Variants in SOX5 observed in about 807,000 individuals in gnomAD.
SOX5 encodes transcription factor SOX-5.
SOX5 carries 9 observed loss-of-function variants against 92.0 expected under a neutral mutation model. The ratio of observed to expected loss-of-function variants is 0.10; its 90% CI spans 0.06 to 0.17. The LOEUF is 0.17. SOX5 is among the 10% of genes least tolerant of loss of function. The probability of loss-of-function intolerance (pLI) is 1.00; values close to 1 mark genes in which losing one functional copy is unlikely to be tolerated. For synonymous variants in SOX5, 344 were observed against 336.3 expected, an observed-to-expected ratio of 1.02 and a Z score of -0.25; for missense variants, 642 against 944.5, an observed-to-expected ratio of 0.68 and a Z score of 4.20.
At chr12:24,055,501 C>T (rs147638212) in intron 4 of SOX5, among the ~76,000 whole-genome samples, 21 of 152,352 alleles carry the variant, frequency 1.4e-4, no homozygotes, top group African/African-American at 4.6e-4. Context: ...CTCTGCCACC[C>T]TGAGTGGTAT....
In SOX5 at chr12:24,056,954, G is replaced by A. The variant is rs1354633190; in HGVS notation, c.-2+156389C>T. 6.7e-5 allele frequency among the ~76,000 whole-genome samples: 6 copies of A among 89,556 alleles called. No individual in the cohort carries two copies. The South Asian group carries it at 2.4e-3, about 35-fold the overall frequency. 58.8% of individuals were successfully genotyped at this position (89,556 alleles called of 152,430 possible). On this transcript the variant is annotated intron_variant, in intron 4 of 4. Transcript: ENST00000446891. Reference sequence around the variant, plus strand: ...CCCGCCACTGCACTCCAGCCTGGGCGACAGAGCGAGACTCCGTCTCAAAAA... The same window carrying A: ...CCCGCCACTGCACTCCAGCCTGGGCAACAGAGCGAGACTCCGTCTCAAAAA...
chr12:23,626,978 C>G (rs567015947), intron 8 of SOX5, among the ~76,000 whole-genome samples: 2 of 152,300 alleles, frequency 1.3e-5, no homozygotes, highest in East Asian at 1.9e-4. Flanking sequence ...CGTTAATTCA[C>G]TGCTGTATTT....
chr12:23,595,640 A>G (rs796572248), intron 9 of SOX5, among the ~76,000 whole-genome samples: 12 of 151,312 alleles, frequency 7.9e-5, no homozygotes, highest in African/African-American at 2.4e-4. Flanking sequence ...AAAAAAAAAA[A>G]AAAAAATGTG....
chr12:24,141,069 T>A (rs1265991317), intron 4 of SOX5, among the ~76,000 whole-genome samples: 1 of 152,078 alleles, frequency 6.6e-6, no homozygotes, highest in Non-Finnish European at 1.5e-5. Context: ...AGAACAAATA[T>A]AAAACCATTA....
At chr12:23,570,926 AAAAAATATATATATATATAT>A (rs1948166875) in intron 10 of SOX5, among the ~76,000 whole-genome samples, 3 of 41,544 alleles carry the variant, frequency 7.2e-5, no homozygotes, top group South Asian at 1.0e-3. Context: ...AAAAAAAAAA[AAAAAATATATATATATATAT>A]ATATATATAT....
chr12:23,797,227 A>T (rs367894972), intron 3 of SOX5, among the ~76,000 whole-genome samples: 1 of 152,032 alleles, frequency 6.6e-6, no homozygotes, highest in South Asian at 2.1e-4. Context: ...GTATTGGTAC[A>T]ATCAGATTAA....
intron 1 of SOX5, among the ~76,000 whole-genome samples, chr12:23,903,127 G>A (rs928599436): frequency 5.3e-5 from 8 of 152,068 alleles, no homozygotes; most frequent in African/African-American, 1.7e-4. Context: ...CTATGTGCCC[G>A]TTAGACAGCA....
intron 1 of SOX5, among the ~76,000 whole-genome samples, chr12:23,906,447 C>A (rs537787386): frequency 6.6e-6 from 1 of 152,308 alleles, no homozygotes; most frequent in African/African-American, 2.4e-5. Context: ...CTGCACTAGA[C>A]TTTTTTCCCC....
chr12:23,733,179 C>T (rs1365851730), intron 6 of SOX5, among the ~76,000 whole-genome samples: 1 of 152,072 alleles, frequency 6.6e-6, no homozygotes, highest in Non-Finnish European at 1.5e-5. Context: ...TTCAGTATTA[C>T]AAAAATTATA....
At chr12:24,063,310 G>A (rs1940089929) in intron 4 of SOX5, among the ~76,000 whole-genome samples, 1 of 152,182 alleles carries the variant, frequency 6.6e-6, no homozygotes. Flanking sequence ...GGTACATAAT[G>A]AGTGCTCAAC....
At chr12:24,343,930 A>C (rs1952878917) in intron 2 of SOX5, among the ~76,000 whole-genome samples, 1 of 152,164 alleles carries the variant, frequency 6.6e-6, no homozygotes, top group South Asian at 2.1e-4. Context: ...CTACTTTATA[A>C]CTTTGGATGA....
intron 3 of SOX5, among the ~76,000 whole-genome samples, chr12:24,273,786 G>T (rs1319945035): frequency 6.6e-6 from 1 of 151,760 alleles, no homozygotes; most frequent in African/African-American, 2.4e-5. Flanking sequence ...ATAAATTTTT[G>T]CCCTTTGCTT....
In SOX5 at chr12:23,768,680, C is replaced by T. The variant is rs1048805801; in HGVS notation, c.482-12956G>A. 5.3e-5 allele frequency among the ~76,000 whole-genome samples: 8 copies of T among 151,996 alleles called. No individual in the cohort carries two copies. In the Middle Eastern group the frequency reaches 0.01, roughly 194 times the overall value. ...CTTGAAATTCCAACTACAGTAGCTG[C>T]TCATAATCTAGTTGCAATTTTTTTT... On this transcript the variant is annotated intron_variant, in intron 3 of 14. Coordinates refer to ENST00000451604, the MANE Select transcript of SOX5 (RefSeq NM_006940.6).
chr12:23,839,494 C>G (rs1377279289), intron 3 of SOX5, among the ~76,000 whole-genome samples: 1 of 152,096 alleles, frequency 6.6e-6, no homozygotes, highest in East Asian at 1.9e-4. Flanking sequence ...CTTCCTAACT[C>G]ATTCTATGAA....
intron 1 of SOX5, among the ~76,000 whole-genome samples, chr12:24,379,909 T>A (rs1347675511): frequency 2.7e-5 from 4 of 148,706 alleles, no homozygotes; most frequent in Non-Finnish European, 4.5e-5. Flanking sequence ...TTAGATTTAT[T>A]CTTCCTTTTT....
At chr12:24,073,946 G>A (rs1184651815) in intron 4 of SOX5, among the ~76,000 whole-genome samples, 2 of 152,082 alleles carry the variant, frequency 1.3e-5, no homozygotes, top group Admixed American at 1.3e-4. Flanking sequence ...ATCTGAGACA[G>A]AGAAAAGGTG....
chr12:23,972,984 C>A (rs993181801), intron 4 of SOX5, among the ~76,000 whole-genome samples: 1 of 152,116 alleles, frequency 6.6e-6, no homozygotes. Context: ...ACTCCCTCCC[C>A]CCAAGCCTCA....
At chr12:24,169,173 T>G (rs950142856) in intron 4 of SOX5, among the ~76,000 whole-genome samples, 2 of 152,194 alleles carry the variant, frequency 1.3e-5, no homozygotes, top group African/African-American at 4.8e-5. Context: ...GAAGTCATTT[T>G]TATTATGACA....
At chr12:23,991,333 A>T (rs1177789964) in intron 4 of SOX5, among the ~76,000 whole-genome samples, 1 of 150,230 alleles carries the variant, frequency 6.7e-6, no homozygotes, top group Non-Finnish European at 1.5e-5. Context: ...AAAAAAAAAC[A>T]ACAACAACAA....
Sources: gnomAD v4.1 joint callset for allele counts (sites outside exome capture counted in the v4.1 genomes callset) on GRCh38, gnomAD v4.1.1 for gene constraint, MANE v1.5 for transcripts, NCBI Gene and HGNC (gene_info 2026-07-23, HGNC 2026-07-21) for gene names.